Variants in GHR observed in about 807,000 individuals in gnomAD.
GHR encodes the protein growth hormone receptor.
A neutral mutation model predicts 67.1 loss-of-function variants in GHR; 35 were observed. The ratio of observed to expected loss-of-function variants is 0.52; its 90% CI spans 0.40 to 0.69. The LOEUF (loss-of-function observed/expected upper bound fraction) is 0.69, where lower values mean the gene tolerates loss of function less well. Ranked by LOEUF, GHR falls within the 30% of genes least tolerant of loss-of-function variation. The pLI, the probability that GHR is intolerant of heterozygous loss-of-function variation, is 0.00. For missense variants in GHR, 792 were observed against 764.6 expected, an observed-to-expected ratio of 1.04 and a Z score of -0.42; for synonymous variants, 272 against 269.1, an observed-to-expected ratio of 1.01 and a Z score of -0.10.
intron 1 of GHR, among the ~76,000 whole-genome samples, chr5:42,479,023 G>T (rs2112141600): frequency 6.6e-6 from 1 of 152,268 alleles, no homozygotes; most frequent in South Asian, 2.1e-4. Flanking sequence ...CTGTGAGTTT[G>T]TCATAGATAG....
At chr5:42,453,274 C>G (rs769118095) in intron 1 of GHR, among the ~76,000 whole-genome samples, 1 of 152,068 alleles carries the variant, frequency 6.6e-6, no homozygotes, top group Non-Finnish European at 1.5e-5. Flanking sequence ...GCAGGGATCC[C>G]TTGACGCTTA....
chr5:42,489,240 T>C (rs1746010742), intron 1 of GHR, among the ~76,000 whole-genome samples: 1 of 152,230 alleles, frequency 6.6e-6, no homozygotes, highest in African/African-American at 2.4e-5. Flanking sequence ...CTTCTTTTTT[T>C]CACCTTTTTA....
chr5:42,672,439 A>G (rs1447915065), intron 3 of GHR, among the ~76,000 whole-genome samples: 1 of 152,172 alleles, frequency 6.6e-6, no homozygotes, highest in East Asian at 1.9e-4. Flanking sequence ...CATCTAACCA[A>G]GGAGATGAAA....
intron 1 of GHR, among the ~76,000 whole-genome samples, chr5:42,524,350 G>C (rs1747609865): frequency 6.6e-6 from 1 of 152,164 alleles, no homozygotes; most frequent in Non-Finnish European, 1.5e-5. Context: ...TTATGTTTTA[G>C]CAAAAAGACT....
intron 2 of GHR, among the ~76,000 whole-genome samples, chr5:42,592,866 T>A (rs949137107): frequency 6.6e-6 from 1 of 152,354 alleles, no homozygotes; most frequent in East Asian, 1.9e-4. Context: ...ACAAGCAATA[T>A]AAATATTCCT....
At chr5:42,602,558 A>C (rs1315561691) in intron 2 of GHR, among the ~76,000 whole-genome samples, 1 of 152,144 alleles carries the variant, frequency 6.6e-6, no homozygotes, top group African/African-American at 2.4e-5. Flanking sequence ...CATTTTGTCA[A>C]CTGTTTTCTA....
intron 1 of GHR, among the ~76,000 whole-genome samples, chr5:42,464,537 A>C (rs534754996): frequency 6.6e-6 from 1 of 152,348 alleles, no homozygotes; most frequent in African/African-American, 2.4e-5. Flanking sequence ...GAAAGAGAGA[A>C]GAAACAGGCA....
intron 2 of GHR, among the ~76,000 whole-genome samples, chr5:42,625,059 GA>G (rs1296937574): frequency 2.6e-5 from 4 of 152,056 alleles, no homozygotes; most frequent in African/African-American, 9.7e-5. Flanking sequence ...AAAATTTAGA[GA>G]GAGAATAAAA....
At chr5:42,689,444 A>G (rs1377858216) in intron 4 of GHR, among the ~76,000 whole-genome samples, 1 of 152,186 alleles carries the variant, frequency 6.6e-6, no homozygotes, top group African/African-American at 2.4e-5. Context: ...ACACGTGGGC[A>G]TGTGCATGTG....
chr5:42,653,618 T>G (rs1755112511), intron 3 of GHR, among the ~76,000 whole-genome samples: 1 of 152,140 alleles, frequency 6.6e-6, no homozygotes, highest in South Asian at 2.1e-4. Flanking sequence ...TAAAGTTACA[T>G]TAATAATTAC....
chr5:42,707,499 A>G (rs1758234655), intron 6 of GHR, among the ~76,000 whole-genome samples: 1 of 151,958 alleles, frequency 6.6e-6, no homozygotes, highest in Admixed American at 6.6e-5. Context: ...GAAAAATTAC[A>G]TTGATAATTT....
chr5:42,472,908 T>G (rs905533143), intron 1 of GHR, among the ~76,000 whole-genome samples: 1 of 152,164 alleles, frequency 6.6e-6, no homozygotes, highest in African/African-American at 2.4e-5. Context: ...GACTTGGATG[T>G]CACCTCCCTT....
chr5:42,493,509 G>T (rs982477500), intron 1 of GHR, among the ~76,000 whole-genome samples: 1 of 152,008 alleles, frequency 6.6e-6, no homozygotes, highest in Non-Finnish European at 1.5e-5. Flanking sequence ...TTTCTAAGAG[G>T]TCTATGGTAT....
chr5:42,653,322 C>A (rs1047916668), intron 3 of GHR, among the ~76,000 whole-genome samples: 1 of 152,054 alleles, frequency 6.6e-6, no homozygotes, highest in Non-Finnish European at 1.5e-5. Context: ...TGCAAGATAA[C>A]GTATTAGTTT....
At chr5:42,618,390 A>T (rs547510247) in intron 2 of GHR, among the ~76,000 whole-genome samples, 1 of 152,146 alleles carries the variant, frequency 6.6e-6, no homozygotes, top group African/African-American at 2.4e-5. Flanking sequence ...CGTAAAATGT[A>T]TGCATTTTTC....
At chr5:42,690,727 G>A (rs1757383410) in intron 4 of GHR, among the ~76,000 whole-genome samples, 1 of 152,122 alleles carries the variant, frequency 6.6e-6, no homozygotes, top group Non-Finnish European at 1.5e-5. Flanking sequence ...GAAGTGAAGT[G>A]AAGATGAAAT....
At chr5:42,450,761 G>A (rs1263590780) in intron 1 of GHR, among the ~76,000 whole-genome samples, 2 of 151,780 alleles carry the variant, frequency 1.3e-5, no homozygotes, top group Non-Finnish European at 2.9e-5. Context: ...TTTTGATTTA[G>A]GCATTTAAAA....
intron 1 of GHR, among the ~76,000 whole-genome samples, chr5:42,479,097 A>G (rs548479141): frequency 9.2e-5 from 14 of 152,268 alleles, no homozygotes; most frequent in African/African-American, 3.4e-4. Flanking sequence ...AGCATGAAGC[A>G]TTGTTGAATT....
intron 1 of GHR, among the ~76,000 whole-genome samples, chr5:42,466,511 CA>C (rs2112075656): frequency 6.6e-6 from 1 of 152,308 alleles, no homozygotes; most frequent in South Asian, 2.1e-4. Context: ...AGAATTCAAC[CA>C]GGCAGATAAC....
Sources: allele counts gnomAD v4.1 joint callset (sites outside exome capture counted in the v4.1 genomes callset), GRCh38; gene constraint gnomAD v4.1.1; transcripts MANE v1.5; gene names NCBI Gene and HGNC (gene_info 2026-07-23, HGNC 2026-07-21).